Variants in PDE8A observed in about 807,000 individuals in gnomAD.
PDE8A encodes the protein phosphodiesterase 8A.
PDE8A carries 59 observed loss-of-function variants against 105.0 expected under a neutral mutation model. The observed-to-expected ratio is 0.56, with a 90% confidence interval of 0.46 to 0.70. The LOEUF is 0.70. Ranked by LOEUF, PDE8A falls within the 30% of genes least tolerant of loss-of-function variation. The pLI is 0.00. For synonymous variants in PDE8A, 355 were observed against 371.9 expected (o/e 0.95, Z 0.52); for missense variants, 1,014 against 1,045.9 (o/e 0.97, Z 0.42).
chr15:85,017,882 C>T (rs541720704), intron 1 of PDE8A, among the ~76,000 whole-genome samples: 192 of 9,620 alleles, frequency 0.02, no homozygotes, highest in Non-Finnish European at 0.039. Context: ...AGCGAAACTC[C>T]GTCTCAAAAA....
rs754957023 is a variant in PDE8A at position 85,123,092 on chromosome 15, A to T, written c.1984A>T (p.Ile662Phe). The change falls in exon 19 of 22, where the codon ATC (isoleucine) becomes TTC (phenylalanine). Residue 662 changes from isoleucine to phenylalanine, a missense_variant. Ile to Phe is a conservative substitution (Grantham distance 21). Transcript: ENST00000394553. ...TTATCGGACACTGCGCCAGGGGATTATCGACATGGTCTTAGCCACAGAAAT... is the reference window on the plus strand; with the variant it reads ...TTATCGGACACTGCGCCAGGGGATTTTCGACATGGTCTTAGCCACAGAAAT... Reference protein sequence around the residue: ...NDYRTLRQGIIDMVLATEMTK... With the variant: ...NDYRTLRQGIFDMVLATEMTK... The T allele has an allele frequency of 1.2e-6, 2 of 1,614,090 alleles. No individual in the cohort carries two copies. The highest frequency in any genetic ancestry group is 1.7e-6 in the Non-Finnish European group (2 of 1,179,962).
At chr15:84,999,685 C>T (rs1435134351) in intron 1 of PDE8A, among the ~76,000 whole-genome samples, 1 of 152,198 alleles carries the variant, frequency 6.6e-6, no homozygotes, top group Non-Finnish European at 1.5e-5. Flanking sequence ...AGCGATTCTC[C>T]TTCCTCAGCC....
chr15:85,035,197 CTTTTTTTTT>C (rs35548176), intron 1 of PDE8A, among the ~76,000 whole-genome samples: 46 of 57,790 alleles, frequency 8.0e-4, no homozygotes, highest in African/African-American at 2.1e-3. Flanking sequence ...TGGGTATTTC[CTTTTTTTTT>C]TTTTTTTTTT....
chr15:85,055,854 A>G (rs1454642390), intron 1 of PDE8A, among the ~76,000 whole-genome samples: 1 of 152,074 alleles, frequency 6.6e-6, no homozygotes, highest in Non-Finnish European at 1.5e-5. Flanking sequence ...TGTCATTATG[A>G]TGTTAGCTGG....
At chr15:85,125,084 G>A (rs2082239477) in intron 19 of PDE8A, among the ~76,000 whole-genome samples, 1 of 152,198 alleles carries the variant, frequency 6.6e-6, no homozygotes, top group Admixed American at 6.5e-5. Flanking sequence ...GGTCAGCACA[G>A]AGCTGGTCAC....
intron 1 of PDE8A, among the ~76,000 whole-genome samples, chr15:85,016,494 C>G (rs192932621): frequency 6.6e-6 from 1 of 152,114 alleles, no homozygotes; most frequent in Admixed American, 6.6e-5. Flanking sequence ...TTTCTGGATT[C>G]TCTGTACTGT....
intron 11 of PDE8A, 143 bp from the exon 12 acceptor site, chr15:85,108,910 G>A: frequency 1.8e-6 from 1 of 541,130 alleles, no homozygotes; most frequent in South Asian, 3.0e-5. Context: ...GTTTCTCATA[G>A]TCTTCATCTC....
At chr15:85,004,125 T>C (rs1011436) in intron 1 of PDE8A, among the ~76,000 whole-genome samples, 129,243 of 152,184 alleles carry the variant, frequency 0.85, 55,110 homozygotes, top group Non-Finnish European at 0.87. Context: ...TGAGTTTCAG[T>C]AGCCAGCAAG....
chr15:85,057,256 CAG>C (rs1185806450), intron 1 of PDE8A, among the ~76,000 whole-genome samples: 1 of 152,178 alleles, frequency 6.6e-6, no homozygotes, highest in East Asian at 1.9e-4. Flanking sequence ...ACTTGGGGGT[CAG>C]GGATCCGCTT....
At chr15:84,989,019 T>C (rs2079846221) in intron 1 of PDE8A, among the ~76,000 whole-genome samples, 2 of 152,246 alleles carry the variant, frequency 1.3e-5, no homozygotes, top group Admixed American at 1.3e-4. Flanking sequence ...TAAAATACCC[T>C]TAAGCCAGTG....
intron 20 of PDE8A, among the ~76,000 whole-genome samples, chr15:85,131,424 A>G (rs755465105): frequency 9.9e-5 from 15 of 152,050 alleles, no homozygotes; most frequent in Middle Eastern, 3.4e-3. Flanking sequence ...CCCTTTTTCT[A>G]TAGATAGTTG....
intron 1 of PDE8A, among the ~76,000 whole-genome samples, chr15:85,012,214 C>T (rs2080250353): frequency 1.3e-5 from 2 of 152,146 alleles, no homozygotes; most frequent in South Asian, 2.1e-4. Flanking sequence ...ACCCAAAGGA[C>T]TATAAATCAT....
chr15:85,100,721 T>G (rs535820113), intron 11 of PDE8A, among the ~76,000 whole-genome samples: 10 of 152,190 alleles, frequency 6.6e-5, no homozygotes, highest in Non-Finnish European at 1.3e-4. Flanking sequence ...GTGTCATGAC[T>G]TCAGCAAGCC....
intron 1 of PDE8A, among the ~76,000 whole-genome samples, chr15:85,062,301 A>T (rs2081158885): frequency 6.6e-6 from 1 of 152,172 alleles, no homozygotes; most frequent in African/African-American, 2.4e-5. Context: ...CTCTGTGCCA[A>T]GGATCAGTCT....
intron 12 of PDE8A, among the ~76,000 whole-genome samples, chr15:85,109,356 A>G (rs2081989567): frequency 1.3e-5 from 2 of 152,198 alleles, no homozygotes. Flanking sequence ...AAGAAGATAC[A>G]TTTCCCATAT....
rs761036926 is a variant in PDE8A, at chr15:85,075,866, A to G, written c.439A>G (p.Ile147Val). The change falls in exon 4 of 22, where the codon ATC becomes GTC. Residue 147 changes from isoleucine to valine, a missense_variant. By Grantham distance (29) the Ile-to-Val change is conservative. Coordinates refer to ENST00000394553, the MANE Select transcript of PDE8A (RefSeq NM_002605.3). ...AAGTTTTGTGTTTTTTTTAAGGTCTATCAGATCATCAAAACTCTCAGAAAA... is the reference window on the plus strand; with the variant it reads ...AAGTTTTGTGTTTTTTTTAAGGTCTGTCAGATCATCAAAACTCTCAGAAAA... ...QLDAEALCRS[I>V]RSSKLSENTV... 4 of 1,538,048 alleles carry G rather than the reference A, an allele frequency of 2.6e-6. No homozygotes were observed. The highest frequency in any genetic ancestry group is 2.3e-5 in the East Asian group (1 of 44,118).
chr15:84,998,001 G>C (rs1219048221), intron 1 of PDE8A, among the ~76,000 whole-genome samples: 4 of 152,066 alleles, frequency 2.6e-5, no homozygotes, highest in African/African-American at 9.7e-5. Context: ...CTTAATTTCA[G>C]GTTTTAAAAC....
chr15:84,984,550 A>G (rs2079771307), intron 1 of PDE8A, among the ~76,000 whole-genome samples: 1 of 152,238 alleles, frequency 6.6e-6, no homozygotes, highest in African/African-American at 2.4e-5. Flanking sequence ...TTCAACAAGA[A>G]ATTCATTGGG....
Position 85,075,929 on chromosome 15 carries a change from A to AT in PDE8A, c.491+18dup. On this transcript the variant is annotated intron_variant, in intron 4 of 21. Transcript: ENST00000394553. ...TGGTGTAGTACGCAGGTAAACTTTCATTTTTTTAATGTTGAAATTGAGGTA... is the reference window on the plus strand; with the variant it reads ...TGGTGTAGTACGCAGGTAAACTTTCATTTTTTTTAATGTTGAAATTGAGGTA... 3.4e-6 allele frequency: 5 copies of AT among 1,486,860 alleles called. No individual in the cohort carries two copies. Among genetic ancestry groups the AT allele is most frequent in the East Asian group, 2.3e-5 (1 of 43,868 alleles). The allele number at this position is 1,486,860 out of a possible 1,614,324, so 92.1% of individuals were successfully genotyped here.
Sources: allele counts gnomAD v4.1 joint callset (sites outside exome capture counted in the v4.1 genomes callset), GRCh38; gene constraint gnomAD v4.1.1; transcripts MANE v1.5; gene names NCBI Gene and HGNC (gene_info 2026-07-23, HGNC 2026-07-21).